The following KIF18A variants were observed in gnomAD, a reference collection of about 807,000 sequenced individuals.
The protein encoded by KIF18A is kinesin-like protein KIF18A.
Under a neutral mutation model 103.3 loss-of-function variants are expected in KIF18A, and 67 were observed. The ratio of observed to expected loss-of-function variants is 0.65; its 90% CI spans 0.53 to 0.79. KIF18A has a LOEUF of 0.79. Ranked by LOEUF, KIF18A falls within the 30% of genes least tolerant of loss-of-function variation. The probability of loss-of-function intolerance (pLI) is 0.00; values close to 1 mark genes in which losing one functional copy is unlikely to be tolerated. For missense variants in KIF18A, 1,032 were observed against 1,062.5 expected, an observed-to-expected ratio of 0.97 and a Z score of 0.40; for synonymous variants, 367 against 355.5, an observed-to-expected ratio of 1.03 and a Z score of -0.36.
chr11:28,046,158 T>C (rs1295026078), intron 13 of KIF18A, among the ~76,000 whole-genome samples: 1 of 151,946 alleles, frequency 6.6e-6, no homozygotes, highest in Non-Finnish European at 1.5e-5. Context: ...GATCTAGAAC[T>C]AGAAGTACCA....
intron 1 of KIF18A, among the ~76,000 whole-genome samples, chr11:28,101,000 A>G (rs1227560985): frequency 1.3e-5 from 2 of 152,146 alleles, no homozygotes; most frequent in Non-Finnish European, 2.9e-5. Flanking sequence ...GTAAGTATTA[A>G]GGTATTCAGT....
chr11:28,067,977 T>C (rs1850956892), intron 11 of KIF18A, among the ~76,000 whole-genome samples: 2 of 152,192 alleles, frequency 1.3e-5, no homozygotes, highest in South Asian at 2.1e-4. Context: ...CATATGTTTA[T>C]TGCAGTGCTA....
chr11:28,024,773 G>A (rs1850293045), intron 15 of KIF18A, among the ~76,000 whole-genome samples: 2 of 151,782 alleles, frequency 1.3e-5, no homozygotes, highest in Non-Finnish European at 2.9e-5. Context: ...GGGGGGGGTT[G>A]GGTGGAAAAA....
intron 12 of KIF18A, 70 bp downstream of exon 12, chr11:28,062,325 G>A: frequency 7.2e-7 from 1 of 1,381,164 alleles, no homozygotes. Context: ...CTTTCTGGCA[G>A]TGGAAAATTG....
chr11:28,083,282 T>C (rs751120409), intron 7 of KIF18A, 39 bp from the exon 8 acceptor site: 1 of 1,517,530 alleles, frequency 6.6e-7, no homozygotes, highest in Non-Finnish European at 8.8e-7. Flanking sequence ...TATAGAGAGA[T>C]AATAATCACA....
At chr11:28,071,120 A>G (rs1358121427) in intron 10 of KIF18A, among the ~76,000 whole-genome samples, 1 of 152,228 alleles carries the variant, frequency 6.6e-6, no homozygotes, top group African/African-American at 2.4e-5. Context: ...AGCATGGTAC[A>G]GGGACCCCTA....
intron 5 of KIF18A, among the ~76,000 whole-genome samples, chr11:28,089,405 A>G (rs1590706777): frequency 6.6e-6 from 1 of 152,184 alleles, no homozygotes; most frequent in Non-Finnish European, 1.5e-5. Context: ...ATACTCTAAA[A>G]TAACAATAAA....
At chr11:28,025,966 A>G (rs899408281) in intron 15 of KIF18A, among the ~76,000 whole-genome samples, 1 of 151,926 alleles carries the variant, frequency 6.6e-6, no homozygotes, top group East Asian at 1.9e-4. Context: ...CAAATATGAA[A>G]CTGCTTTGGG....
chr11:28,055,444 TG>T (rs1181211287), intron 13 of KIF18A, among the ~76,000 whole-genome samples: 1 of 152,188 alleles, frequency 6.6e-6, no homozygotes, highest in African/African-American at 2.4e-5. Context: ...CCCTTGAGGT[TG>T]TTTGCTTATG....
intron 2 of KIF18A, among the ~76,000 whole-genome samples, chr11:28,095,021 C>T (rs1407247722): frequency 1.3e-5 from 2 of 152,160 alleles, no homozygotes; most frequent in African/African-American, 4.8e-5. Flanking sequence ...CCCCCGGCCC[C>T]CCACTCTAAC....
At chr11:28,033,745 T>TG (rs796833064) in intron 15 of KIF18A, among the ~76,000 whole-genome samples, 1 of 151,440 alleles carries the variant, frequency 6.6e-6, no homozygotes, top group African/African-American at 2.4e-5. Flanking sequence ...GGATGGTTAA[T>TG]GGGGGGATGC....
chr11:28,045,285 G>C (rs746531068), intron 13 of KIF18A, among the ~76,000 whole-genome samples: 1 of 151,552 alleles, frequency 6.6e-6, no homozygotes, highest in Non-Finnish European at 1.5e-5. Flanking sequence ...TACCTATAAG[G>C]ACAATCAATC....
At chr11:28,089,432 C>A in intron 5 of KIF18A, among the ~76,000 whole-genome samples, 1 of 152,078 alleles carries the variant, frequency 6.6e-6, no homozygotes, top group East Asian at 1.9e-4. Context: ...ATACATAAAC[C>A]AGTAACACAG....
chr11:28,033,366 CA>C (rs779679224), intron 15 of KIF18A, among the ~76,000 whole-genome samples: 11 of 151,056 alleles, frequency 7.3e-5, no homozygotes, highest in South Asian at 4.2e-4. Context: ...AGATACATGC[CA>C]AAATGAAAGG....
At chr11:28,046,250 T>A (rs1441633873) in intron 13 of KIF18A, among the ~76,000 whole-genome samples, 2 of 151,124 alleles carry the variant, frequency 1.3e-5, no homozygotes, top group Non-Finnish European at 3.0e-5. Flanking sequence ...TGCACACGTA[T>A]GTTTATTGCG....
intron 13 of KIF18A, among the ~76,000 whole-genome samples, chr11:28,053,498 A>G (rs1174066308): frequency 6.6e-6 from 1 of 151,798 alleles, no homozygotes; most frequent in East Asian, 1.9e-4. Context: ...TTTTAATTTT[A>G]TTATTTATTT....
intron 13 of KIF18A, among the ~76,000 whole-genome samples, chr11:28,055,345 T>C (rs1404309933): frequency 6.6e-6 from 1 of 152,136 alleles, no homozygotes; most frequent in East Asian, 1.9e-4. Context: ...AGGCACTGGA[T>C]TATTAATAAG....
At chr11:28,096,674 T>C (rs1218659082) in intron 2 of KIF18A, among the ~76,000 whole-genome samples, 4 of 152,158 alleles carry the variant, frequency 2.6e-5, no homozygotes, top group Non-Finnish European at 2.9e-5. Context: ...ACTCCATCCT[T>C]ACTTGATCAA....
rs532406376 is a variant in KIF18A at position 28,036,703 on chromosome 11, C to A, written c.1949-39G>T. 14 of 1,322,926 alleles carry A rather than the reference C, an allele frequency of 1.1e-5. 1 individual carries two copies. In the South Asian group the frequency reaches 2.1e-4, roughly 20 times the overall value. The allele number at this position is 1,322,926 out of a possible 1,614,324, so 81.9% of individuals were successfully genotyped here. On this transcript the variant is annotated intron_variant, in intron 13 of 16. Coordinates refer to ENST00000263181, the MANE Select transcript of KIF18A (RefSeq NM_031217.4). ...TAAAAAAAGACACTCGATAATGTTT[C>A]CTAGTTTTTTAAATAACCCCCATTA...
Sources: gnomAD v4.1 joint callset for allele counts (sites outside exome capture counted in the v4.1 genomes callset) on GRCh38, gnomAD v4.1.1 for gene constraint, MANE v1.5 for transcripts, NCBI Gene and HGNC (gene_info 2026-07-23, HGNC 2026-07-21) for gene names.